The following CDHR2 variants were observed in gnomAD, a reference collection of about 807,000 sequenced individuals.
CDHR2 encodes cadherin related family member 2, also known as cadherin-related family member 2.
CDHR2 carries 104 observed loss-of-function variants against 138.6 expected under a neutral mutation model. That is an observed-to-expected ratio of 0.75 (90% CI 0.64 to 0.88). CDHR2 has a LOEUF of 0.88. CDHR2 is among the 40% of genes least tolerant of loss of function. The pLI, the probability that CDHR2 is intolerant of heterozygous loss-of-function variation, is 0.00. For synonymous variants in CDHR2, 755 were observed against 742.8 expected, an observed-to-expected ratio of 1.02 and a Z score of -0.27; for missense variants, 1,624 against 1,727.6, an observed-to-expected ratio of 0.94 and a Z score of 1.06.
intron 6 of CDHR2, among the ~76,000 whole-genome samples, chr5:176,571,788 G>A (rs780012904): frequency 8.7e-4 from 132 of 152,108 alleles, no homozygotes; most frequent in Non-Finnish European, 1.6e-3. Flanking sequence ...CGCACGCCTC[G>A]GCCTCCCAAA....
At position 176,591,189 on chromosome 5, in the gene CDHR2, C is replaced by T. The variant is rs565635269; in HGVS notation, c.3540-21C>T. 394 of 1,545,968 alleles carry T rather than the reference C, an allele frequency of 2.5e-4. 7 individuals are homozygous for T. In the South Asian group the frequency reaches 4.2e-3, roughly 16 times the overall value. ...AACAGGTGTGCAGCAACAGTGTGAC[C>T]CCTCTTCCGGTTCCCCACAGCTACA... On this transcript the variant is annotated intron_variant, in intron 28 of 31. Coordinates refer to ENST00000261944, the MANE Select transcript of CDHR2 (RefSeq NM_017675.6).
intron 17 of CDHR2, 65 bp from the exon 18 acceptor site, chr5:176,584,125 T>G: frequency 1.5e-6 from 2 of 1,368,734 alleles, no homozygotes; most frequent in Non-Finnish European, 1.0e-6. Flanking sequence ...ATTATTGGTT[T>G]CTCGGATTGG....
chr5:176,566,520 C>G (rs905780204), intron 3 of CDHR2, among the ~76,000 whole-genome samples: 10 of 152,228 alleles, frequency 6.6e-5, no homozygotes, highest in Admixed American at 5.9e-4. Context: ...AGGTGAATTA[C>G]CGCCCCTCGT....
At chr5:176,542,993 C>G (rs1225901882) in intron 1 of CDHR2, among the ~76,000 whole-genome samples, 1 of 152,050 alleles carries the variant, frequency 6.6e-6, no homozygotes, top group East Asian at 1.9e-4. Flanking sequence ...GCGGTCGGGA[C>G]GTGCGCGGGG....
chr5:176,569,359 C>T (rs1190171951), intron 5 of CDHR2, among the ~76,000 whole-genome samples: 1 of 151,106 alleles, frequency 6.6e-6, no homozygotes, highest in African/African-American at 2.4e-5. Flanking sequence ...TCTCGGCTCA[C>T]TGCAAGCTCC....
chr5:176,548,508 G>A (rs1303159393), upstream of CDHR2, among the ~76,000 whole-genome samples: 1 of 152,220 alleles, frequency 6.6e-6, no homozygotes, highest in Non-Finnish European at 1.5e-5. Context: ...GGAAGGCCGA[G>A]GCAGGCGGAT....
At chr5:176,545,382 C>T (rs1318569184), upstream of CDHR2, among the ~76,000 whole-genome samples, 1 of 152,170 alleles carries the variant, frequency 6.6e-6, no homozygotes, top group African/African-American at 2.4e-5. Flanking sequence ...CTGAAGTGAT[C>T]TGCCTGCCTC....
At chr5:176,559,036 G>A (rs189903641) in intron 1 of CDHR2, among the ~76,000 whole-genome samples, 7 of 152,300 alleles carry the variant, frequency 4.6e-5, no homozygotes, top group East Asian at 3.9e-4. Flanking sequence ...CTCCCTCAAC[G>A]CACAGGCCTC....
rs774915519 is a variant in CDHR2 at position 176,589,552 on chromosome 5, C to T, written c.3142C>T (p.Arg1048Cys). 40 of 1,614,110 alleles carry T rather than the reference C, an allele frequency of 2.5e-5. No homozygotes were observed. In the Middle Eastern group the frequency reaches 6.6e-4, roughly 27 times the overall value. Reference sequence around the variant, plus strand: ...GCTCTTCACCGTGGACCAGAGTTACCGCTCGCGGCTGCAGTTCTCCACACC... The same window carrying T: ...GCTCTTCACCGTGGACCAGAGTTACTGCTCGCGGCTGCAGTTCTCCACACC... ...LNLFTVDQSY[R>C]SRLQFSTPKE... The change falls in exon 24 of 32, where the codon CGC becomes TGC. Residue 1048 changes from arginine to cysteine, a missense_variant. Around this residue, in one of 3 missense-constraint regions of CDHR2, gnomAD observed 556 missense variants for 565.7 expected, o/e 0.98. Transcript: ENST00000261944.
chr5:176,566,283 T>A (rs969778350), intron 3 of CDHR2, among the ~76,000 whole-genome samples: 2 of 152,196 alleles, frequency 1.3e-5, no homozygotes, highest in Non-Finnish European at 2.9e-5. Context: ...ATTTAAGGAA[T>A]GAGCACCAGG....
chr5:176,560,421 A>G lies in CDHR2; in HGVS notation c.-15-4917A>G, dbSNP rs578165154. On this transcript the variant is annotated intron_variant, in intron 1 of 31. Coordinates refer to ENST00000261944, the MANE Select transcript of CDHR2 (RefSeq NM_017675.6). ...CAATAAATAAATTAAAAAAAAAAAA[A>G]GACGCCAAAAAAGAATGATTAATAC... Among the ~76,000 whole-genome samples, 972 of 151,780 alleles carry G rather than the reference A, an allele frequency of 6.4e-3. 8 individuals are homozygous for G. The highest frequency in any genetic ancestry group is 0.022 in the African/African-American group (903 of 41,380).
At chr5:176,556,176 C>A (rs976321794) in intron 1 of CDHR2, among the ~76,000 whole-genome samples, 3 of 152,164 alleles carry the variant, frequency 2.0e-5, no homozygotes, top group Non-Finnish European at 4.4e-5. Context: ...ACAGTGCTCA[C>A]CTTATCACAG....
At chr5:176,565,493 A>G in intron 2 of CDHR2, 89 bp downstream of exon 2, 1 of 1,384,976 alleles carries the variant, frequency 7.2e-7, no homozygotes, top group South Asian at 1.2e-5. Flanking sequence ...CTCATCAGCA[A>G]ACACCAGCTC....
Position 176,589,195 on chromosome 5 carries a change from G to T in CDHR2, c.3008+13G>T, listed in dbSNP as rs750100423. On this transcript the variant is annotated intron_variant, in intron 22 of 31. Transcript: ENST00000261944. ...CTGGGAGCATTCAGTAACTGCGGGC[G>T]GCCCCGGGAGGGAGGTTGCGGGGAG... 1.2e-5 allele frequency: 20 copies of T among 1,613,732 alleles called. No individual in the cohort carries two copies. The highest frequency in any genetic ancestry group is 1.7e-5 in the Non-Finnish European group (20 of 1,179,828).
At chr5:176,562,211 G>C (rs918209172) in intron 1 of CDHR2, among the ~76,000 whole-genome samples, 2 of 152,150 alleles carry the variant, frequency 1.3e-5, no homozygotes, top group Admixed American at 6.5e-5. Context: ...TAGATTATGT[G>C]CAGAAGGACT....
chr5:176,555,024 G>A (rs187991135), intron 1 of CDHR2, among the ~76,000 whole-genome samples: 8 of 152,296 alleles, frequency 5.3e-5, no homozygotes, highest in African/African-American at 1.7e-4. Context: ...CTTCCTCCAC[G>A]AGTCTCTTGC....
At chr5:176,578,690 G>T (rs1009986784) in intron 16 of CDHR2, 82 bp downstream of exon 16, 7 of 1,572,582 alleles carry the variant, frequency 4.5e-6, no homozygotes, top group African/African-American at 4.0e-5. Context: ...CCTGGGTAAA[G>T]TCGGGGCTCC....
chr5:176,544,065 T>C (rs1234932788), intron 1 of CDHR2, among the ~76,000 whole-genome samples: 2 of 152,264 alleles, frequency 1.3e-5, no homozygotes, highest in Non-Finnish European at 2.9e-5. Flanking sequence ...CTGGCTGGCA[T>C]GCAGGTGGTG....
At chr5:176,571,398 T>G in intron 6 of CDHR2, 96 bp downstream of exon 6, 1 of 826,402 alleles carries the variant, frequency 1.2e-6, no homozygotes. Context: ...GCATTCAGAG[T>G]TGGGAAAAAC....
Sources: allele counts gnomAD v4.1 joint callset (sites outside exome capture counted in the v4.1 genomes callset), GRCh38; gene constraint gnomAD v4.1.1; regional missense constraint gnomAD v4.1.1; transcripts MANE v1.5; gene names NCBI Gene and HGNC (gene_info 2026-07-23, HGNC 2026-07-21).